GSE1: variants seen among roughly 807,000 people sequenced by gnomAD.
GSE1 encodes Gse1 coiled-coil protein, also known as genetic suppressor element 1.
In GSE1, 32 loss-of-function variants were observed where a neutral mutation model predicts 112.6. That is an observed-to-expected ratio of 0.28 (90% CI 0.21 to 0.38). The LOEUF is 0.38. GSE1 is among the 10% of genes least tolerant of loss of function. The pLI, the probability that GSE1 is intolerant of heterozygous loss-of-function variation, is 1.00. For synonymous variants in GSE1, 1,115 were observed against 735.6 expected (o/e 1.52, Z -8.35); for missense variants, 2,348 against 1,699.2 (o/e 1.38, Z -6.71).
Position 85,598,593 on chromosome 16 carries a change from C to T in GSE1, c.37+42230C>T, listed in dbSNP as rs535330361. Reference sequence around the variant, plus strand: ...CCGTAGTGCCCGGACCCCGGGCTCCCTCAGCCACCAAGGAGCATTGCAGCA... The same window carrying T: ...CCGTAGTGCCCGGACCCCGGGCTCCTTCAGCCACCAAGGAGCATTGCAGCA... On this transcript the variant is annotated intron_variant, in intron 1 of 2. Transcript: ENST00000635906. 1.3e-4 allele frequency among the ~76,000 whole-genome samples: 20 copies of T among 152,372 alleles called. No individual in the cohort carries two copies. The East Asian group carries it at 3.3e-3, about 25-fold the overall frequency.
intron 13 of GSE1, among the ~76,000 whole-genome samples, chr16:85,667,650 GA>G (rs1274810943): frequency 1.3e-5 from 2 of 152,226 alleles, no homozygotes; most frequent in Non-Finnish European, 2.9e-5. Flanking sequence ...CTGAGGTCCG[GA>G]GTTTGAAACC....
At position 85,666,202 on chromosome 16, in the gene GSE1, T is replaced by C. The variant is rs1389354949; in HGVS notation, c.2985T>C (p.Ala995=). The C allele has an allele frequency of 1.2e-6, 2 of 1,613,610 alleles. No homozygotes were observed. Among genetic ancestry groups the C allele is most frequent in the East Asian group, 4.5e-5 (2 of 44,882 alleles). ...SLSMLHYIRG[A]APKDIPVPLS... is the part of the protein sequence containing the mutation. ...GCATGCTTCACTATATCCGGGGCGC[T>C]GCACCCAAGGACATTCCTGTGCCGC... Residue 995 remains alanine (A), a synonymous_variant, in exon 13 of 16, where the codon GCT becomes GCC. Coordinates refer to ENST00000253458, the MANE Select transcript of GSE1 (RefSeq NM_014615.5).
chr16:85,527,653 G>C (rs2052406695), intron 2 of GSE1, among the ~76,000 whole-genome samples: 1 of 152,270 alleles, frequency 6.6e-6, no homozygotes, highest in Admixed American at 6.5e-5. Context: ...GTGGGAAGCG[G>C]GGCCGGCAGC....
chr16:85,239,822 C>G (rs75737654), intron 1 of GSE1, among the ~76,000 whole-genome samples: 1,728 of 152,342 alleles, frequency 0.011, 28 homozygotes, highest in African/African-American at 0.04. Context: ...AGTTCTGGAT[C>G]CTGAAATCCG....
chr16:85,646,643 G>A (rs890682417), intron 2 of GSE1, among the ~76,000 whole-genome samples: 7 of 152,176 alleles, frequency 4.6e-5, no homozygotes, highest in South Asian at 2.1e-4. Context: ...AGGGTGAGCC[G>A]GACACTGAGC....
chr16:85,413,498 C>T (rs2048632066), intron 2 of GSE1, among the ~76,000 whole-genome samples: 2 of 151,742 alleles, frequency 1.3e-5, no homozygotes, highest in South Asian at 2.1e-4. Flanking sequence ...CTTCAGGCGG[C>T]AAGGGCTGAG....
At chr16:85,640,861 C>T (rs537172832) in intron 2 of GSE1, among the ~76,000 whole-genome samples, 4 of 152,364 alleles carry the variant, frequency 2.6e-5, no homozygotes, top group East Asian at 1.9e-4. Flanking sequence ...GGTGTGAGCG[C>T]CGCGGGCGTC....
At chr16:85,500,006 G>C (rs1467977392) in intron 2 of GSE1, among the ~76,000 whole-genome samples, 1 of 152,344 alleles carries the variant, frequency 6.6e-6, no homozygotes, top group East Asian at 1.9e-4. Context: ...ATAGCAAACA[G>C]ACACACAAGT....
intron 1 of GSE1, among the ~76,000 whole-genome samples, chr16:85,215,337 G>A (rs938980659): frequency 1.3e-5 from 2 of 152,152 alleles, no homozygotes; most frequent in African/African-American, 4.8e-5. Flanking sequence ...TCACTTGTAG[G>A]TGGGAGCTAA....
At chr16:85,362,831 CTTTT>C (rs67922655) in intron 2 of GSE1, among the ~76,000 whole-genome samples, 2 of 103,476 alleles carry the variant, frequency 1.9e-5, no homozygotes, top group Non-Finnish European at 1.9e-5. Flanking sequence ...TTATTGATAT[CTTTT>C]TTTTTTTTTT....
At chr16:85,326,258 C>A (rs531725773) in intron 1 of GSE1, among the ~76,000 whole-genome samples, 62 of 152,290 alleles carry the variant, frequency 4.1e-4, no homozygotes, top group African/African-American at 1.5e-3. Context: ...GAGCCACCCG[C>A]CTGGTTTGAA....
intron 2 of GSE1, among the ~76,000 whole-genome samples, chr16:85,425,812 T>C (rs1204237233): frequency 3.3e-5 from 5 of 152,230 alleles, no homozygotes; most frequent in African/African-American, 1.2e-4. Flanking sequence ...TAAAAATCCA[T>C]GGCAAGTAAA....
intron 1 of GSE1, among the ~76,000 whole-genome samples, chr16:85,246,332 C>CA (rs566558868): frequency 0.34 from 12,130 of 35,520 alleles, 1,563 homozygotes; most frequent in South Asian, 0.5. Flanking sequence ...CACACACACA[C>CA]CCCCCACACG....
At chr16:85,632,419 C>T (rs1289173723) in intron 1 of GSE1, among the ~76,000 whole-genome samples, 2 of 152,162 alleles carry the variant, frequency 1.3e-5, no homozygotes, top group Admixed American at 6.5e-5. Context: ...ATTATTTTCT[C>T]CCTACGTCCC....
chr16:85,200,985 G>A (rs1411769076), intron 1 of GSE1, among the ~76,000 whole-genome samples: 1 of 152,142 alleles, frequency 6.6e-6, no homozygotes, highest in Non-Finnish European at 1.5e-5. Flanking sequence ...GCCTGGAGCA[G>A]GGCAGTGTCT....
At chr16:85,211,328 G>A (rs1485027548) in intron 1 of GSE1, among the ~76,000 whole-genome samples, 2 of 151,210 alleles carry the variant, frequency 1.3e-5, no homozygotes, top group Non-Finnish European at 3.0e-5. Context: ...TTTTTTTAAG[G>A]GAATGTCTTT....
chr16:85,338,290 T>C (rs1330090904), intron 1 of GSE1, among the ~76,000 whole-genome samples: 1 of 152,242 alleles, frequency 6.6e-6, no homozygotes, highest in African/African-American at 2.4e-5. Context: ...ATTCAGCTGG[T>C]GAACCTCTTT....
At position 85,366,436 on chromosome 16, in the gene GSE1, C is replaced by T. The variant is rs79202425; in HGVS notation, c.2464+8793C>T. ...CCATAGTCTGTTTCCCTCTCCACGA[C>T]CAATCTATTTATCTTCTCTGGAACT... On this transcript the variant is annotated intron_variant, in intron 2 of 2. Transcript: ENST00000637419. Among the ~76,000 whole-genome samples, 121 of 152,372 alleles carry T rather than the reference C, an allele frequency of 7.9e-4. 4 individuals are homozygous for T. In the East Asian group the frequency reaches 0.023, roughly 28 times the overall value.
At chr16:85,307,241 G>A (rs1051397062) in intron 1 of GSE1, among the ~76,000 whole-genome samples, 3 of 152,214 alleles carry the variant, frequency 2.0e-5, no homozygotes, top group African/African-American at 7.2e-5. Flanking sequence ...GGTACACTCC[G>A]TGTCAGGCCT....
Sources: allele counts gnomAD v4.1 joint callset (sites outside exome capture counted in the v4.1 genomes callset), GRCh38; gene constraint gnomAD v4.1.1; transcripts MANE v1.5; gene names NCBI Gene and HGNC (gene_info 2026-07-23, HGNC 2026-07-21).